AGBL1: variants seen among roughly 807,000 people sequenced by gnomAD.
The protein encoded by AGBL1 is cytosolic carboxypeptidase 4.
Under a neutral mutation model 118.9 loss-of-function variants are expected in AGBL1, and 130 were observed. That is an observed-to-expected ratio of 1.09 (90% CI 0.95 to 1.26). AGBL1 has a LOEUF of 1.26. Among genes scored for constraint, AGBL1 ranks in the 50% most tolerant of loss-of-function variants. AGBL1 has a pLI of 0.00. For missense variants in AGBL1, 1,584 were observed against 1,298.1 expected (o/e 1.22, Z -3.38); for synonymous variants, 555 against 478.9 (o/e 1.16, Z -2.08).
intron 18 of AGBL1, among the ~76,000 whole-genome samples, chr15:86,479,999 C>T (rs561737769): frequency 4.7e-4 from 71 of 152,170 alleles, no homozygotes; most frequent in African/African-American, 1.7e-3. Context: ...AAAAACCAAA[C>T]ACCACATGTT....
At chr15:86,112,156 A>C (rs1031625520) in intron 1 of AGBL1, among the ~76,000 whole-genome samples, 8 of 151,994 alleles carry the variant, frequency 5.3e-5, no homozygotes, top group African/African-American at 1.4e-4. Flanking sequence ...TAAAGTACAC[A>C]ATAAATGTAA....
intron 23 of AGBL1, among the ~76,000 whole-genome samples, chr15:86,972,836 A>T (rs1390243386): frequency 6.6e-6 from 1 of 152,004 alleles, no homozygotes; most frequent in African/African-American, 2.4e-5. Flanking sequence ...AGTTTTTCAC[A>T]ATCTGACAAG....
chr15:86,545,582 G>GT (rs1346220267), intron 19 of AGBL1, among the ~76,000 whole-genome samples: 1 of 152,034 alleles, frequency 6.6e-6, no homozygotes, highest in Non-Finnish European at 1.5e-5. Context: ...GCCCCAGCGT[G>GT]TGTGTTTTTC....
chr15:86,789,699 G>A (rs1002137634), intron 22 of AGBL1, among the ~76,000 whole-genome samples: 4 of 152,154 alleles, frequency 2.6e-5, no homozygotes, highest in African/African-American at 9.7e-5. Flanking sequence ...ACACGTGTAA[G>A]TTTTAGCAGT....
intron 23 of AGBL1, among the ~76,000 whole-genome samples, chr15:86,963,935 T>C (rs1324315057): frequency 6.6e-6 from 1 of 151,488 alleles, no homozygotes; most frequent in Non-Finnish European, 1.5e-5. Flanking sequence ...TCAAGGGTAA[T>C]ACATTGGCAT....
chr15:86,648,734 A>G (rs548106643), intron 21 of AGBL1, among the ~76,000 whole-genome samples: 2 of 152,324 alleles, frequency 1.3e-5, no homozygotes, highest in Non-Finnish European at 2.9e-5. Flanking sequence ...AAGGAAAACC[A>G]GGAGATGAAC....
intron 22 of AGBL1, among the ~76,000 whole-genome samples, chr15:86,870,146 T>C (rs1036019342): frequency 1.3e-5 from 2 of 152,118 alleles, no homozygotes; most frequent in African/African-American, 4.8e-5. Flanking sequence ...ACATGAACTT[T>C]CTAGTTAAAT....
chr15:86,112,339 C>T (rs537501497), intron 1 of AGBL1, among the ~76,000 whole-genome samples: 12 of 151,958 alleles, frequency 7.9e-5, no homozygotes, highest in African/African-American at 2.4e-4. Context: ...TGCATTTATC[C>T]GTTTATATGC....
chr15:86,759,072 A>G (rs190754682), intron 22 of AGBL1, among the ~76,000 whole-genome samples: 71 of 152,122 alleles, frequency 4.7e-4, no homozygotes, highest in South Asian at 1.5e-3. Context: ...GAATCAAAGG[A>G]GTTTAAATTG....
intron 21 of AGBL1, among the ~76,000 whole-genome samples, chr15:86,578,747 C>G (rs961400455): frequency 1.3e-5 from 2 of 152,190 alleles, no homozygotes; most frequent in African/African-American, 4.8e-5. Flanking sequence ...CACGAGCTCT[C>G]TCTTTTTGCC....
Position 86,298,297 on chromosome 15 carries a change from T to TA in AGBL1, c.2374+2889_2374+2890insA, listed in dbSNP as rs71144038. ...TATATATATGGTAACTATATATATA[T>TA]GGTAGCTATATATATATAGGTAACT... On this transcript the variant is annotated intron_variant, in intron 17 of 22. Transcript: ENST00000614907. Among the ~76,000 whole-genome samples the TA allele has an allele frequency of 1.6e-3, 161 of 101,544 alleles. 2 individuals carry two copies. The highest frequency in any genetic ancestry group is 5.3e-3 in the African/African-American group (147 of 27,518). The allele number at this position is 101,544 out of a possible 152,430, so 66.6% of individuals were successfully genotyped here.
intron 17 of AGBL1, among the ~76,000 whole-genome samples, chr15:86,368,872 A>C (rs1390352881): frequency 6.6e-6 from 1 of 152,192 alleles, no homozygotes; most frequent in Non-Finnish European, 1.5e-5. Flanking sequence ...ATAAAGATTA[A>C]CCCACACTTA....
chr15:86,118,154 G>T (rs1375329893), intron 1 of AGBL1, among the ~76,000 whole-genome samples: 1 of 152,118 alleles, frequency 6.6e-6, no homozygotes, highest in African/African-American at 2.4e-5. Context: ...TTCCCAGGTG[G>T]ACTCAGTTCC....
intron 22 of AGBL1, among the ~76,000 whole-genome samples, chr15:86,854,970 C>A (rs368433952): frequency 1.3e-5 from 2 of 152,298 alleles, no homozygotes; most frequent in African/African-American, 2.4e-5. Flanking sequence ...CTACACCCCC[C>A]CACTGGTCCT....
intron 22 of AGBL1, among the ~76,000 whole-genome samples, chr15:86,878,560 T>C (rs1000418549): frequency 2.0e-5 from 3 of 152,188 alleles, no homozygotes; most frequent in African/African-American, 7.2e-5. Flanking sequence ...TTTCTTTCTC[T>C]GCTCCTTTCT....
chr15:86,819,582 C>T (rs1272434180), intron 22 of AGBL1, among the ~76,000 whole-genome samples: 1 of 152,048 alleles, frequency 6.6e-6, no homozygotes, highest in Non-Finnish European at 1.5e-5. Flanking sequence ...ATACAACTTA[C>T]AAGGGATGTG....
intron 23 of AGBL1, among the ~76,000 whole-genome samples, chr15:86,966,445 A>G (rs2081053768): frequency 6.6e-6 from 1 of 151,962 alleles, no homozygotes; most frequent in African/African-American, 2.4e-5. Context: ...ATTTAACATG[A>G]GGTATATCTC....
intron 17 of AGBL1, among the ~76,000 whole-genome samples, chr15:86,317,404 A>G (rs1216709051): frequency 1.3e-5 from 2 of 152,234 alleles, no homozygotes; most frequent in Non-Finnish European, 2.9e-5. Flanking sequence ...TAAAGAAGCA[A>G]TGAGAGAAAG....
chr15:86,635,325 C>CCTCCTCTTA (rs2085064461), intron 21 of AGBL1, among the ~76,000 whole-genome samples: 1 of 102,772 alleles, frequency 9.7e-6, no homozygotes, highest in African/African-American at 4.3e-5. Flanking sequence ...TCCTCCTCCT[C>CCTCCTCTTA]CTCCTCCTCC....
Sources: gnomAD v4.1 joint callset for allele counts (sites outside exome capture counted in the v4.1 genomes callset) on GRCh38, gnomAD v4.1.1 for gene constraint, MANE v1.5 for transcripts, NCBI Gene and HGNC (gene_info 2026-07-23, HGNC 2026-07-21) for gene names.